The following PCDHGA1 variants were observed in gnomAD, a reference collection of about 807,000 sequenced individuals.
PCDHGA1 encodes protocadherin gamma-A1.
In PCDHGA1, 32 loss-of-function variants were observed where a neutral mutation model predicts 58.0. The observed-to-expected ratio is 0.55, with a 90% CI of 0.42 to 0.74. PCDHGA1 has a LOEUF of 0.74. Ranked by LOEUF, PCDHGA1 falls within the 30% of genes least tolerant of loss-of-function variation. PCDHGA1 has a pLI of 0.00. For synonymous variants in PCDHGA1, 498 were observed against 501.1 expected (o/e 0.99, Z 0.08); for missense variants, 1,205 against 1,182.3 (o/e 1.02, Z -0.28).
At chr5:141,337,910 C>T (rs565486494) in intron 1 of PCDHGA1, among the ~76,000 whole-genome samples, 11 of 152,298 alleles carry the variant, frequency 7.2e-5, no homozygotes, top group African/African-American at 1.7e-4. Flanking sequence ...AAACCCCTTC[C>T]GGCTCTAGCT....
At chr5:141,367,549 T>TAAAA (rs1765228447) in intron 1 of PCDHGA1, 1 of 147,156 alleles carries the variant, frequency 6.8e-6, no homozygotes, top group South Asian at 2.1e-4. Flanking sequence ...AATAAATAAA[T>TAAAA]AAATAAATAA....
rs17097234 is a variant in PCDHGA1, at chr5:141,362,611, G to A, written c.2421+29506G>A. The A allele has an allele frequency of 3.3e-3, 5,121 of 1,555,416 alleles. 139 individuals are homozygous for A. The African/African-American group carries it at 0.064, about 19-fold the overall frequency. On this transcript the variant is annotated intron_variant, in intron 1 of 3. Coordinates refer to ENST00000517417, the MANE Select transcript of PCDHGA1 (RefSeq NM_018912.3). ...TGGTTTTATTGTTTCACCTAATTTG[G>A]GTAGGAAGTTCCACTGCGTATTTCT...
intron 1 of PCDHGA1, among the ~76,000 whole-genome samples, chr5:141,483,024 G>A (rs1210804345): frequency 6.6e-6 from 1 of 152,094 alleles, no homozygotes; most frequent in Non-Finnish European, 1.5e-5. Context: ...GGCAGAGGTT[G>A]CAATGAGCTG....
intron 1 of PCDHGA1, chr5:141,421,325 G>A: frequency 6.2e-7 from 1 of 1,613,906 alleles, no homozygotes; most frequent in Non-Finnish European, 8.5e-7. Context: ...AGGCAGATCC[G>A]ATATTCGGTG....
intron 1 of PCDHGA1, chr5:141,404,104 T>C (rs2094485215): frequency 1.2e-6 from 2 of 1,613,640 alleles, no homozygotes; most frequent in East Asian, 2.2e-5. Flanking sequence ...AAGTTGTCTG[T>C]TCTATCCAGG....
rs775489120 is a variant in PCDHGA1 at position 141,418,594 on chromosome 5, C to T, written c.2422-76213C>T. ...ACAACCCCCCAGTGTTCAGCCAGGA[C>T]GTGTACAGGGTTAGCCTTCGGGAAG... On this transcript the variant is annotated intron_variant, in intron 1 of 3. Coordinates refer to ENST00000517417, the MANE Select transcript of PCDHGA1 (RefSeq NM_018912.3). The T allele has an allele frequency of 3.1e-6, 5 of 1,614,022 alleles. No individual in the cohort carries two copies. In the Admixed American group the frequency reaches 8.3e-5, roughly 27 times the overall value.
rs1758384233 is a variant in PCDHGA1, at chr5:141,349,985, G to T, written c.2421+16880G>T. The T allele has an allele frequency of 1.6e-5, 5 of 308,912 alleles. No individual in the cohort carries two copies. The South Asian group carries it at 7.3e-4, about 45-fold the overall frequency. 19.1% of individuals were successfully genotyped at this position (308,912 alleles called of 1,614,324 possible). A position where few individuals can be genotyped will look rare whatever the true frequency, so the allele number is the denominator to read the frequency against. On this transcript the variant is annotated intron_variant, in intron 1 of 3. Transcript: ENST00000517417. Reference sequence around the variant, plus strand: ...AGGGTACATAGATTCAAGAGGTTGCGCTTTGAGGATAAAAAGCTGGGCCCT... The same window carrying T: ...AGGGTACATAGATTCAAGAGGTTGCTCTTTGAGGATAAAAAGCTGGGCCCT...
Position 141,447,812 on chromosome 5 carries a change from G to A in PCDHGA1, c.2422-46995G>A, listed in dbSNP as rs557330895. 5.4e-4 allele frequency among the ~76,000 whole-genome samples: 82 copies of A among 152,254 alleles called. 1 individual carries two copies. The highest frequency in any genetic ancestry group is 1.3e-3 in the Admixed American group (20 of 15,294). On this transcript the variant is annotated intron_variant, in intron 1 of 3. Coordinates refer to ENST00000517417, the MANE Select transcript of PCDHGA1 (RefSeq NM_018912.3). ...TTTAAGAAAATAAAATTGGCTGGGC[G>A]TGGTGGCTCACGCCTGTAATCCCAG...
chr5:141,423,760 G>T, intron 1 of PCDHGA1: 23 of 279,644 alleles, frequency 8.2e-5, no homozygotes, highest in South Asian at 2.0e-4. Flanking sequence ...TGGGGGGGGG[G>T]TGGGGCGGCA....
In PCDHGA1 at chr5:141,332,541, G is replaced by A. The variant is rs1207399647; in HGVS notation, c.1857G>A (p.Val619=). ...CCAGCGAGCCGGGACTCTTCTCGGT[G>A]GGTCTGCACACGGGCGAGGTGCGCA... ...LKASEPGLFS[V]GLHTGEVRTA... The change falls in exon 1 of 4, where the codon GTG becomes GTA. Residue 619 remains valine, a synonymous_variant. Transcript: ENST00000517417. This position sits in a 1 kb window ranked among gnomAD's most constrained non-coding sequence, Gnocchi z 4.6. The A allele has an allele frequency of 6.2e-7, 1 of 1,612,584 alleles. No homozygotes were observed.
rs751462834 is a variant in PCDHGA1, at chr5:141,360,533, T to C, written c.2421+27428T>C. The C allele has an allele frequency of 6.2e-6, 10 of 1,613,980 alleles. No homozygotes were observed. In the African/African-American group the frequency reaches 1.3e-4, roughly 22 times the overall value. The stretch of plus-strand genomic sequence containing the variant: ...GATATAAATGATAATACCCCGCTAT[T>C]CAAACAGACTAAGATTAATTTAAAA... On this transcript the variant is annotated intron_variant, in intron 1 of 3. Coordinates refer to ENST00000517417, the MANE Select transcript of PCDHGA1 (RefSeq NM_018912.3).
chr5:141,330,710 G>A lies in PCDHGA1; in HGVS notation c.26G>A (p.Gly9Asp). Residue 9 changes from glycine to aspartate, a missense_variant, in exon 1 of 4, where the codon GGC becomes GAC. Physicochemically the swap from Gly to Asp is moderately conservative, Grantham distance 94. Transcript: ENST00000517417. MKIQKKLT[G>D]CSRLMLLCLS... ...ATGAAGATTCAGAAAAAGCTGACTG[G>A]CTGCAGCAGGCTGATGCTTCTGTGT... 6.2e-7 allele frequency: 1 copy of A among 1,609,360 alleles called. No homozygotes were observed. Among genetic ancestry groups the A allele is most frequent in the Non-Finnish European group, 8.5e-7 (1 of 1,176,460 alleles).
At chr5:141,364,651 C>T in intron 1 of PCDHGA1, 3 of 1,614,064 alleles carry the variant, frequency 1.9e-6, no homozygotes, top group Non-Finnish European at 2.5e-6. Flanking sequence ...TGAACTTTAA[C>T]ATCTTGGTTG....
chr5:141,351,108 T>C (rs1758648471), intron 1 of PCDHGA1: 1 of 1,613,900 alleles, frequency 6.2e-7, no homozygotes, highest in African/African-American at 1.3e-5. Flanking sequence ...AATTCCCCAA[T>C]AAGTACCAGC....
In PCDHGA1 at chr5:141,487,227, G is replaced by A. The variant is rs763361726; in HGVS notation, c.2422-7580G>A. The A allele has an allele frequency of 6.2e-7, 1 of 1,614,070 alleles. No individual in the cohort carries two copies. Among genetic ancestry groups the A allele is most frequent in the Non-Finnish European group, 8.5e-7 (1 of 1,179,952 alleles). On this transcript the variant is annotated intron_variant, in intron 1 of 3. Transcript: ENST00000517417. The surrounding 1 kb of genome is among the most constrained non-coding windows in gnomAD (Gnocchi z 5.0). The stretch of plus-strand genomic sequence containing the variant: ...CGAGAATCTTCAGCTCCAAGGGAAG[G>A]AGAATCTCGTCTAACCCTCTACTTG...
chr5:141,433,067 T>C, intron 1 of PCDHGA1: 3 of 1,614,144 alleles, frequency 1.9e-6, no homozygotes, highest in Non-Finnish European at 2.5e-6. Context: ...TCACCTGATC[T>C]TCCCCCAGCC....
At chr5:141,339,926 A>G in intron 1 of PCDHGA1, 4 of 1,614,176 alleles carry the variant, frequency 2.5e-6, no homozygotes, top group Non-Finnish European at 3.4e-6. Flanking sequence ...TGAAATTGAT[A>G]TTGAAGCTCA....
chr5:141,366,445 G>C (rs368468540), intron 1 of PCDHGA1: 10 of 1,614,084 alleles, frequency 6.2e-6, no homozygotes, highest in Non-Finnish European at 8.5e-6. Flanking sequence ...GCGTCTTCCT[G>C]GCCTTCGTCA....
rs746357528 is a variant in PCDHGA1, at chr5:141,375,442, C to G, written c.2421+42337C>G. 3.1e-6 allele frequency: 5 copies of G among 1,614,034 alleles called. No homozygotes were observed. In the South Asian group the frequency reaches 3.3e-5, roughly 11 times the overall value. On this transcript the variant is annotated intron_variant, in intron 1 of 3. Coordinates refer to ENST00000517417, the MANE Select transcript of PCDHGA1 (RefSeq NM_018912.3). ...CCAACGACAACCCGCCCACCTTCCC[C>G]CATTCATCCTACTCAGTCTATGTCC... is the stretch of plus-strand genomic sequence containing the variant.
Sources: gnomAD v4.1 joint callset for allele counts (sites outside exome capture counted in the v4.1 genomes callset) on GRCh38, gnomAD v4.1.1 for gene constraint, Gnocchi (gnomAD v3.1) non-coding constraint, MANE v1.5 for transcripts, NCBI Gene and HGNC (gene_info 2026-07-23, HGNC 2026-07-21) for gene names.